Variants in KMT2C observed in about 807,000 individuals in gnomAD.
The protein encoded by KMT2C is lysine methyltransferase 2C.
In KMT2C, 88 loss-of-function variants were observed where a neutral mutation model predicts 507.9. That is an observed-to-expected ratio of 0.17 (90% CI 0.15 to 0.21). The LOEUF (loss-of-function observed/expected upper bound fraction) is 0.21, where lower values mean the gene tolerates loss of function less well. KMT2C is among the 10% of genes least tolerant of loss of function. KMT2C has a pLI of 1.00. For missense variants in KMT2C, 4,954 were observed against 5,957.8 expected (o/e 0.83, Z 5.55); for synonymous variants, 2,049 against 2,080.8 (o/e 0.98, Z 0.42).
intron 49 of KMT2C, 108 bp downstream of exon 49, chr7:152,152,597 C>G: frequency 7.4e-7 from 1 of 1,353,356 alleles, no homozygotes; most frequent in South Asian, 1.3e-5. Flanking sequence ...GGACTATACG[C>G]CAGCATGTTA....
intron 16 of KMT2C, among the ~76,000 whole-genome samples, chr7:152,233,371 C>G (rs2129153618): frequency 6.6e-6 from 1 of 152,098 alleles, no homozygotes; most frequent in East Asian, 1.9e-4. Context: ...TTTCCTAGAC[C>G]ACAGATATGA....
At chr7:152,361,153 T>C (rs2097193855) in intron 1 of KMT2C, among the ~76,000 whole-genome samples, 1 of 151,966 alleles carries the variant, frequency 6.6e-6, no homozygotes, top group Non-Finnish European at 1.5e-5. Flanking sequence ...CAGAACTAAA[T>C]AAAAAGACTA....
chr7:152,384,371 C>T (rs1298338609), intron 1 of KMT2C, among the ~76,000 whole-genome samples: 1 of 152,204 alleles, frequency 6.6e-6, no homozygotes, highest in East Asian at 1.9e-4. Flanking sequence ...TCTTCAGTAA[C>T]AAACTCTCAC....
chr7:152,217,811 T>C (rs1237072614), intron 23 of KMT2C, among the ~76,000 whole-genome samples: 3 of 152,240 alleles, frequency 2.0e-5, no homozygotes, highest in Non-Finnish European at 2.9e-5. Flanking sequence ...GTGTTGTTTT[T>C]AAAAGGTATT....
intron 7 of KMT2C, among the ~76,000 whole-genome samples, chr7:152,266,709 G>A (rs1285893298): frequency 6.6e-6 from 1 of 152,302 alleles, no homozygotes; most frequent in African/African-American, 2.4e-5. Flanking sequence ...AAATATTTTA[G>A]GCTTTGTGAG....
rs1563767704 is a variant in KMT2C at position 152,297,059 on chromosome 7, G to GAAAGAAAGAA, written c.849+12906_849+12907insTTCTTTCTTT. ...AAAGAAAGAAAGAAAGAAAGACAGA[G>GAAAGAAAGAA]AGAGAGAGAGAGAGAGAGAGAGAGA... On this transcript the variant is annotated intron_variant, in intron 6 of 58. Transcript: ENST00000262189. Among the ~76,000 whole-genome samples the GAAAGAAAGAA allele has an allele frequency of 2.3e-3, 145 of 64,366 alleles. 1 individual carries two copies. The highest frequency in any genetic ancestry group is 2.6e-3 in the Admixed American group (15 of 5,700). The allele number at this position is 64,366 out of a possible 152,430, so 42.2% of individuals were successfully genotyped here.
At chr7:152,229,375 A>G (rs1406999095) in intron 18 of KMT2C, among the ~76,000 whole-genome samples, 5 of 152,302 alleles carry the variant, frequency 3.3e-5, no homozygotes, top group African/African-American at 1.2e-4. Flanking sequence ...ATTTAAAACC[A>G]AGCACACGAT....
chr7:152,245,301 A>T (rs2095452556), intron 14 of KMT2C, among the ~76,000 whole-genome samples: 2 of 152,134 alleles, frequency 1.3e-5, no homozygotes, highest in Admixed American at 1.3e-4. Context: ...ATATTTCTCA[A>T]AATGTTTTGT....
At chr7:152,371,590 G>A (rs2097293816) in intron 1 of KMT2C, among the ~76,000 whole-genome samples, 1 of 148,258 alleles carries the variant, frequency 6.7e-6, no homozygotes, top group East Asian at 1.9e-4. Context: ...GATTGGCTGA[G>A]TGATTTTTTT....
chr7:152,424,742 A>G (rs1299763691), intron 1 of KMT2C, among the ~76,000 whole-genome samples: 1 of 152,036 alleles, frequency 6.6e-6, no homozygotes, highest in Non-Finnish European at 1.5e-5. Context: ...TAATCTTACT[A>G]ATCACTTTTG....
In KMT2C at chr7:152,151,685, A is replaced by C. The variant is rs140142844; in HGVS notation, c.12527-104T>G. ...TCAACTCATTACAACATGGTTCATT[A>C]ACATTATTCTTTAATTAATAAAAAA... On this transcript the variant is annotated intron_variant, in intron 49 of 58. Transcript: ENST00000262189. 1.9e-4 allele frequency: 151 copies of C among 798,842 alleles called. 1 individual carries two copies. In the African/African-American group the frequency reaches 2.3e-3, roughly 12 times the overall value. The allele number at this position is 798,842 out of a possible 1,614,324, so 49.5% of individuals were successfully genotyped here.
intron 1 of KMT2C, among the ~76,000 whole-genome samples, chr7:152,394,398 G>A (rs75957899): frequency 3.7e-3 from 524 of 143,028 alleles, no homozygotes; most frequent in Non-Finnish European, 4.0e-3. Context: ...CTGCCACACT[G>A]GCCCTTTCAG....
rs1491309235 is a variant in KMT2C at position 152,178,015 on chromosome 7, T to TTAAAAA, written c.7443-6_7443-5insTTTTTA. The stretch of plus-strand genomic sequence containing the variant: ...CTACCTCCTGGAAATCCAAATCTTT[T>TTAAAAA]AAAAAAAAAAAAAAAAAAAAAAAAA... On this transcript the variant is annotated splice_polypyrimidine_tract_variant and splice_region_variant and intron_variant, in intron 37 of 58. Transcript: ENST00000262189. 291 of 810,504 alleles carry TTAAAAA rather than the reference T, an allele frequency of 3.6e-4. 4 individuals are homozygous for TTAAAAA. Among genetic ancestry groups the TTAAAAA allele is most frequent in the African/African-American group, 2.3e-3 (74 of 32,408 alleles). The allele number at this position is 810,504 out of a possible 1,614,324, so 50.2% of individuals were successfully genotyped here.
At chr7:152,276,695 G>A (rs535724032) in intron 6 of KMT2C, among the ~76,000 whole-genome samples, 1 of 151,980 alleles carries the variant, frequency 6.6e-6, no homozygotes, top group East Asian at 1.9e-4. Context: ...TGAGGCTGCA[G>A]TGAGCTGTGA....
chr7:152,167,873 A>G (rs974192096), intron 41 of KMT2C, among the ~76,000 whole-genome samples: 1 of 152,190 alleles, frequency 6.6e-6, no homozygotes, highest in Non-Finnish European at 1.5e-5. Context: ...AAAATATCCT[A>G]AACAGAGAGA....
intron 55 of KMT2C, among the ~76,000 whole-genome samples, chr7:152,141,951 G>A (rs1480019962): frequency 6.6e-6 from 1 of 152,058 alleles, no homozygotes; most frequent in Non-Finnish European, 1.5e-5. Flanking sequence ...GAGCCCAGGA[G>A]ATCGAAGCTG....
At chr7:152,354,516 T>A (rs2097137655) in intron 2 of KMT2C, among the ~76,000 whole-genome samples, 1 of 152,200 alleles carries the variant, frequency 6.6e-6, no homozygotes, top group African/African-American at 2.4e-5. Context: ...ATGTCCTATC[T>A]GTTACGTACT....
At chr7:152,282,826 A>T (rs2129182371) in intron 6 of KMT2C, among the ~76,000 whole-genome samples, 1 of 152,122 alleles carries the variant, frequency 6.6e-6, no homozygotes, top group East Asian at 1.9e-4. Context: ...TATATATAGC[A>T]AAGTGAATTT....
At chr7:152,225,878 T>C (rs2094914384) in intron 18 of KMT2C, among the ~76,000 whole-genome samples, 1 of 152,208 alleles carries the variant, frequency 6.6e-6, no homozygotes, top group Non-Finnish European at 1.5e-5. Flanking sequence ...TATTACTTTC[T>C]TGTTATAAAA....
Sources: gnomAD v4.1 joint callset for allele counts (sites outside exome capture counted in the v4.1 genomes callset) on GRCh38, gnomAD v4.1.1 for gene constraint, MANE v1.5 for transcripts, NCBI Gene and HGNC (gene_info 2026-07-23, HGNC 2026-07-21) for gene names.